The following TTC17 variants were observed in gnomAD, a reference collection of about 807,000 sequenced individuals.
The protein encoded by TTC17 is tetratricopeptide repeat domain 17, also known as tetratricopeptide repeat protein 17.
A neutral mutation model predicts 143.8 loss-of-function variants in TTC17; 58 were observed. The observed-to-expected ratio is 0.40, with a 90% confidence interval of 0.33 to 0.50. The LOEUF (loss-of-function observed/expected upper bound fraction) is 0.50. Among genes scored for constraint, TTC17 ranks in the 20% least tolerant of loss-of-function variants. The pLI, the probability that TTC17 is intolerant of heterozygous loss-of-function variation, is 0.49. For missense variants in TTC17, 1,273 were observed against 1,392.5 expected, an observed-to-expected ratio of 0.91 and a Z score of 1.37; for synonymous variants, 501 against 497.8, an observed-to-expected ratio of 1.01 and a Z score of -0.09.
intron 21 of TTC17, among the ~76,000 whole-genome samples, chr11:43,474,813 ATATTG>A (rs1234274672): frequency 7.9e-5 from 12 of 152,092 alleles, no homozygotes; most frequent in East Asian, 1.9e-4. Context: ...TATGTATTTT[ATATTG>A]TATTCTTATA....
At position 43,407,416 on chromosome 11, in the gene TTC17, A is replaced by G. The variant is rs1346121211; in HGVS notation, c.1903A>G (p.Ser635Gly). ...AGLYWRAVGN[S>G]TFAIACLQRA... ...ACTATACTGGAGAGCAGTAGGAAATAGCACTTTTGCTATTGCCTGTCTTCA... is the reference window on the plus strand; with the variant it reads ...ACTATACTGGAGAGCAGTAGGAAATGGCACTTTTGCTATTGCCTGTCTTCA... Residue 635 changes from serine to glycine, a missense_variant, in exon 15 of 24, where the codon AGC becomes GGC. Physicochemically the swap from Ser to Gly is moderately conservative, Grantham distance 56 (BLOSUM62 0). Coordinates refer to ENST00000039989, the MANE Select transcript of TTC17 (RefSeq NM_018259.6). 19 of 1,613,922 alleles carry G rather than the reference A, an allele frequency of 1.2e-5. No homozygotes were observed. The highest frequency in any genetic ancestry group is 1.6e-5 in the Non-Finnish European group (19 of 1,179,984).
At chr11:43,476,356 A>G (rs748939) in intron 21 of TTC17, among the ~76,000 whole-genome samples, 8,945 of 152,310 alleles carry the variant, frequency 0.059, 289 homozygotes, top group African/African-American at 0.094. Context: ...AATAACTGCA[A>G]TGAATGAAAT....
chr11:43,444,816 A>T (rs1947505416), intron 18 of TTC17, among the ~76,000 whole-genome samples: 1 of 152,054 alleles, frequency 6.6e-6, no homozygotes, highest in Non-Finnish European at 1.5e-5. Context: ...AGGAGCGCAG[A>T]CATAAACAGT....
intron 1 of TTC17, chr11:43,370,473 A>G (rs1031710936): frequency 1.9e-5 from 3 of 155,054 alleles, no homozygotes; most frequent in African/African-American, 4.8e-5. Flanking sequence ...TTTTCTCTAT[A>G]AGTGAATACA....
chr11:43,445,913 A>T, intron 18 of TTC17: 1 of 1,058,094 alleles, frequency 9.5e-7, no homozygotes, highest in Non-Finnish European at 1.4e-6. Flanking sequence ...AACTAATTTC[A>T]TTTCCTTTTT....
At chr11:43,367,387 T>C (rs979461951) in intron 1 of TTC17, among the ~76,000 whole-genome samples, 2 of 152,130 alleles carry the variant, frequency 1.3e-5, no homozygotes, top group Admixed American at 1.3e-4. Flanking sequence ...GCAAAAAGTA[T>C]GGGGCAACAA....
chr11:43,451,099 C>A, intron 20 of TTC17, 83 bp from the exon 21 acceptor site: 2 of 1,346,014 alleles, frequency 1.5e-6, no homozygotes, highest in Non-Finnish European at 2.1e-6. Flanking sequence ...CTCTGTGGTA[C>A]AGTGCCCAAC....
intron 21 of TTC17, among the ~76,000 whole-genome samples, chr11:43,455,945 A>C (rs1446969214): frequency 6.6e-6 from 1 of 152,218 alleles, no homozygotes; most frequent in African/African-American, 2.4e-5. Context: ...ACAATTCAAA[A>C]GTAGTAAAAT....
At chr11:43,366,169 C>A (rs1316742019) in intron 1 of TTC17, among the ~76,000 whole-genome samples, 2 of 151,996 alleles carry the variant, frequency 1.3e-5, no homozygotes, top group Non-Finnish European at 2.9e-5. Flanking sequence ...CTCCCTTAGC[C>A]ATCACCAAGA....
At chr11:43,449,970 A>T in intron 19 of TTC17, 112 bp from the exon 20 acceptor site, 1 of 1,213,986 alleles carries the variant, frequency 8.2e-7, no homozygotes, top group African/African-American at 1.5e-5. Context: ...TGTTGAAGCT[A>T]TGATGAGCTG....
chr11:43,467,987 A>AG (rs1948012916), intron 21 of TTC17, among the ~76,000 whole-genome samples: 2 of 152,320 alleles, frequency 1.3e-5, no homozygotes, highest in Admixed American at 6.5e-5. Context: ...GAATTATGAA[A>AG]GACATTATTT....
intron 1 of TTC17, among the ~76,000 whole-genome samples, chr11:43,370,786 GA>G (rs1442611597): frequency 1.4e-5 from 2 of 145,530 alleles, no homozygotes; most frequent in Non-Finnish European, 3.1e-5. Context: ...TAGTTAAAGA[GA>G]GGGGGCAGGT....
intron 16 of TTC17, among the ~76,000 whole-genome samples, chr11:43,417,102 A>G (rs1467751770): frequency 1.3e-5 from 2 of 152,208 alleles, no homozygotes; most frequent in African/African-American, 4.8e-5. Flanking sequence ...TTCTTTGACA[A>G]TGATTTTGAG....
At chr11:43,395,499 C>G (rs1452178371) in intron 5 of TTC17, 1 of 152,094 alleles carries the variant, frequency 6.6e-6, no homozygotes, top group Non-Finnish European at 1.5e-5. Context: ...ATTTGAAAAA[C>G]AACTTTCTCA....
intron 1 of TTC17, among the ~76,000 whole-genome samples, chr11:43,372,509 T>C (rs1166486504): frequency 1.3e-5 from 2 of 151,172 alleles, no homozygotes; most frequent in Non-Finnish European, 2.9e-5. Context: ...TTTATTTATT[T>C]ATTTATTTTT....
chr11:43,425,332 A>T (rs888594462), intron 16 of TTC17, among the ~76,000 whole-genome samples: 11 of 151,674 alleles, frequency 7.3e-5, no homozygotes, highest in South Asian at 2.1e-4. Context: ...GAAAAAAAAA[A>T]TTTTTTTTTA....
At chr11:43,412,646 A>G (rs1417029802) in intron 15 of TTC17, among the ~76,000 whole-genome samples, 3 of 152,182 alleles carry the variant, frequency 2.0e-5, no homozygotes, top group Middle Eastern at 3.2e-3. Context: ...CCAACCTGAC[A>G]CTCAAGGGAA....
chr11:43,382,213 A>T (rs981096017), intron 2 of TTC17, among the ~76,000 whole-genome samples: 2 of 152,240 alleles, frequency 1.3e-5, no homozygotes, highest in Non-Finnish European at 2.9e-5. Flanking sequence ...GGCAAAGTAA[A>T]GATAATTTCT....
At chr11:43,392,440 A>G (rs944692463) in intron 5 of TTC17, among the ~76,000 whole-genome samples, 24 of 152,240 alleles carry the variant, frequency 1.6e-4, no homozygotes, top group African/African-American at 5.3e-4. Context: ...TGTATCATTC[A>G]GGATTAACGT....
Sources: gnomAD v4.1 joint callset for allele counts (sites outside exome capture counted in the v4.1 genomes callset) on GRCh38, gnomAD v4.1.1 for gene constraint, MANE v1.5 for transcripts, NCBI Gene and HGNC (gene_info 2026-07-23, HGNC 2026-07-21) for gene names.